MTCL1: variants seen among roughly 807,000 people sequenced by gnomAD.
The protein encoded by MTCL1 is microtubule cross-linking factor 1.
In MTCL1, 79 loss-of-function variants were observed where a neutral mutation model predicts 141.4. The observed-to-expected ratio is 0.56, with a 90% CI of 0.47 to 0.67. The LOEUF is 0.67. Among genes scored for constraint, MTCL1 ranks in the 30% least tolerant of loss-of-function variants. The pLI is 0.00. For missense variants in MTCL1, 2,177 were observed against 2,113.9 expected (o/e 1.03, Z -0.59); for synonymous variants, 914 against 875.8 (o/e 1.04, Z -0.77).
chr18:8,774,440 C>T (rs551717950), intron 4 of MTCL1, among the ~76,000 whole-genome samples: 2 of 145,394 alleles, frequency 1.4e-5, no homozygotes, highest in South Asian at 4.6e-4. Flanking sequence ...CTGCAAATTT[C>T]TGGTCTTTCT....
intron 5 of MTCL1, among the ~76,000 whole-genome samples, chr18:8,780,073 C>T (rs1431136386): frequency 6.6e-6 from 1 of 152,172 alleles, no homozygotes; most frequent in African/African-American, 2.4e-5. Flanking sequence ...CGTATAACCT[C>T]CAGCGTGTTT....
intron 4 of MTCL1, among the ~76,000 whole-genome samples, chr18:8,777,005 C>T (rs1375324298): frequency 6.6e-6 from 1 of 152,144 alleles, no homozygotes; most frequent in Non-Finnish European, 1.5e-5. Context: ...GAGGCTGAGG[C>T]AGGTGGATCA....
intron 4 of MTCL1, among the ~76,000 whole-genome samples, chr18:8,730,710 C>T (rs2096245756): frequency 6.6e-6 from 1 of 152,122 alleles, no homozygotes. Context: ...TCCGGGGGAC[C>T]TTTTAGGGCA....
intron 16 of MTCL1, chr18:8,829,892 C>CA (rs2077143065): frequency 1.0e-6 from 1 of 985,200 alleles, no homozygotes; most frequent in South Asian, 4.7e-5. Flanking sequence ...AATGCAGACT[C>CA]ACAGTGATTC....
At position 8,705,750 on chromosome 18, in the gene MTCL1, C is replaced by T. The variant is rs1285453220; in HGVS notation, c.90C>T (p.His30=). 8.3e-6 allele frequency: 10 copies of T among 1,204,150 alleles called. No individual in the cohort carries two copies. Among genetic ancestry groups the T allele is most frequent in the Non-Finnish European group, 1.0e-5 (10 of 969,660 alleles). 74.6% of individuals were successfully genotyped at this position (1,204,150 alleles called of 1,614,324 possible). Residue 30 remains histidine (H), a synonymous_variant, in exon 1 of 14, where the codon CAC becomes CAT. Coordinates refer to the MTCL1 transcript ENST00000306329. This position sits in a 1 kb window ranked among gnomAD's most constrained non-coding sequence, Gnocchi z 5.2. ...AGCACCACCGCCACCACCACCTCCA[C>T]CCGGTGGCCGAAAGGCGGCGGCTGC...
At chr18:8,784,762 T>C in exon 6 of MTCL1, 1 of 1,614,156 alleles carries the variant, frequency 6.2e-7, no homozygotes, top group Non-Finnish European at 8.5e-7. Flanking sequence ...CAGAGTCCTC[T>C]AGCTTCCTCT....
rs2076457553 is a variant in MTCL1 at position 8,810,792 on chromosome 18, A to G, written c.2605-2187A>G. On this transcript the variant is annotated intron_variant, in intron 11 of 16. Transcript: ENST00000359865. This position sits in a 1 kb window ranked among gnomAD's most constrained non-coding sequence, Gnocchi z 5.0. ...AAAGTTTTATTTTCCCCAGATTTAC[A>G]TTTTATAAATAATTGATCAAGAAGC... is the stretch of plus-strand genomic sequence containing the variant. Among the ~76,000 whole-genome samples, 1 of 152,086 alleles carries G rather than the reference A, an allele frequency of 6.6e-6. No individual in the cohort carries two copies. Among genetic ancestry groups the G allele is most frequent in the Non-Finnish European group, 1.5e-5 (1 of 68,018 alleles).
At chr18:8,762,946 C>G (rs16954117) in intron 4 of MTCL1, among the ~76,000 whole-genome samples, 12,124 of 152,228 alleles carry the variant, frequency 0.08, 1,342 homozygotes, top group African/African-American at 0.24. Context: ...GCTGAGTTAT[C>G]TTTCCGTTTC....
At chr18:8,739,544 C>T (rs1311098863) in intron 4 of MTCL1, among the ~76,000 whole-genome samples, 1 of 152,168 alleles carries the variant, frequency 6.6e-6, no homozygotes, top group Non-Finnish European at 1.5e-5. Context: ...TCAACAACAA[C>T]ATCTTTCATA....
At chr18:8,774,855 T>C (rs994619148) in intron 4 of MTCL1, among the ~76,000 whole-genome samples, 4 of 152,178 alleles carry the variant, frequency 2.6e-5, no homozygotes, top group Non-Finnish European at 5.9e-5. Flanking sequence ...GAATGGAGTC[T>C]GTGAATGGAG....
intron 4 of MTCL1, among the ~76,000 whole-genome samples, chr18:8,735,644 G>A (rs1253957663): frequency 6.6e-6 from 1 of 152,164 alleles, no homozygotes; most frequent in African/African-American, 2.4e-5. Flanking sequence ...TAGTTGGGGG[G>A]TGGGCATGGA....
rs2076862389 is a variant in MTCL1 at position 8,822,043 on chromosome 18, C to T, written c.3188+545C>T. 6.6e-6 allele frequency among the ~76,000 whole-genome samples: 1 copy of T among 152,180 alleles called. No individual in the cohort carries two copies. The stretch of plus-strand genomic sequence containing the variant: ...TCCAAATGAATACATACCGTTTCTA[C>T]TACATGAAATTTCTTCTCAGGCAAT... On this transcript the variant is annotated intron_variant, in intron 14 of 16. Coordinates refer to ENST00000359865, the Ensembl canonical transcript of MTCL1. The surrounding 1 kb of genome is among the most constrained non-coding windows in gnomAD (Gnocchi z 4.6).
At chr18:8,783,676 C>T (rs1240515293) in exon 6 of MTCL1, 7 of 1,611,520 alleles carry the variant, frequency 4.3e-6, no homozygotes, top group Non-Finnish European at 5.9e-6. Flanking sequence ...GGGATGTGGA[C>T]AGTCCCCTGC....
chr18:8,825,299 C>G, exon 15 of MTCL1: 3 of 1,541,888 alleles, frequency 1.9e-6, no homozygotes, highest in Non-Finnish European at 2.6e-6. Flanking sequence ...CCCTCTGTAC[C>G]TCCCTGGGGT....
Position 8,744,567 on chromosome 18 carries a change from C to T in MTCL1, c.357+24071C>T, listed in dbSNP as rs138130713. On this transcript the variant is annotated intron_variant, in intron 4 of 16. Transcript: ENST00000359865. ...TCCTGCTGCTTCTTGTGACTACGTC[C>T]CATATTTTTTTATATTTTTATCTTC... 2.0e-5 allele frequency among the ~76,000 whole-genome samples: 3 copies of T among 152,124 alleles called. No individual in the cohort carries two copies. The East Asian group carries it at 5.8e-4, about 29-fold the overall frequency.
At chr18:8,832,518 A>C (rs1280703589) in exon 17 of MTCL1, 1 of 152,420 alleles carries the variant, frequency 6.6e-6, no homozygotes, top group Non-Finnish European at 1.5e-5. Flanking sequence ...AATGTGACTC[A>C]GTCTGTTCCA....
chr18:8,748,976 A>C (rs2096356326), intron 4 of MTCL1, among the ~76,000 whole-genome samples: 1 of 152,074 alleles, frequency 6.6e-6, no homozygotes, highest in South Asian at 2.1e-4. Flanking sequence ...TCCTCTGTTC[A>C]CTCTGCTAGC....
chr18:8,798,654 T>TA lies in MTCL1; in HGVS notation c.2436+371dup, dbSNP rs1038255891. On this transcript the variant is annotated intron_variant, in intron 10 of 16. Transcript: ENST00000359865. ...CGTACAAGGAGCAAAGGACACGTTT[T>TA]AAAAAAAATCCCCCAACATGGACAA... Among the ~76,000 whole-genome samples, 9 of 152,192 alleles carry TA rather than the reference T, an allele frequency of 5.9e-5. No homozygotes were observed. In the East Asian group the frequency reaches 1.4e-3, roughly 23 times the overall value.
chr18:8,813,827 GGGA>G (rs1290601533), intron 12 of MTCL1, among the ~76,000 whole-genome samples: 1 of 152,102 alleles, frequency 6.6e-6, no homozygotes, highest in Non-Finnish European at 1.5e-5. Flanking sequence ...GATGAATTTG[GGGA>G]GGAGGGGGGT....
Sources: allele counts gnomAD v4.1 joint callset (sites outside exome capture counted in the v4.1 genomes callset), GRCh38; gene constraint gnomAD v4.1.1; non-coding constraint Gnocchi (gnomAD v3.1); transcripts MANE v1.5; gene names NCBI Gene and HGNC (gene_info 2026-07-23, HGNC 2026-07-21).